Variants in MFN2 observed in about 807,000 individuals in gnomAD.
MFN2 encodes mitofusin 2.
Under a neutral mutation model 87.5 loss-of-function variants are expected in MFN2, and 43 were observed. That is an observed-to-expected ratio of 0.49 (90% confidence interval 0.38 to 0.63). The LOEUF (loss-of-function observed/expected upper bound fraction) is 0.63, where lower values mean the gene tolerates loss of function less well. MFN2 is among the 30% of genes least tolerant of loss of function. MFN2 has a pLI of 0.00. For missense variants in MFN2, 743 were observed against 972.8 expected, an observed-to-expected ratio of 0.76 and a Z score of 3.14; for synonymous variants, 337 against 359.9, an observed-to-expected ratio of 0.94 and a Z score of 0.72.
At chr1:11,999,181 C>G in intron 8 of MFN2, 86 bp downstream of exon 8, 5 of 1,041,492 alleles carry the variant, frequency 4.8e-6, no homozygotes, top group Non-Finnish European at 7.6e-6. Context: ...ACCCCTGGAT[C>G]TAGTGACTTC....
chr1:12,005,056 C>G (rs1208250606), intron 14 of MFN2, 129 bp downstream of exon 14: 6 of 769,652 alleles, frequency 7.8e-6, no homozygotes, highest in Non-Finnish European at 1.4e-5. Flanking sequence ...TCGATACCTT[C>G]AGGTTCTGGG....
Position 12,009,730 on chromosome 1 carries a change from A to G in MFN2, c.2204+4A>G, listed in dbSNP as rs753371495. The G allele has an allele frequency of 6.2e-7, 1 of 1,614,210 alleles. No individual in the cohort carries two copies. Among genetic ancestry groups the G allele is most frequent in the South Asian group, 1.1e-5 (1 of 91,086 alleles). On this transcript the variant is annotated splice_donor_region_variant and intron_variant, in intron 18 of 18. Coordinates refer to ENST00000235329, the MANE Select transcript of MFN2 (RefSeq NM_014874.4). ...AGAGCAAAGCAAAGCTGCTCAGGTG[A>G]GGCTGGCCCGTGTGGCCAAAGGTTA...
chr1:12,001,613 C>A (rs1399779299), intron 9 of MFN2, 59 bp downstream of exon 9: 6 of 1,611,826 alleles, frequency 3.7e-6, no homozygotes, highest in Non-Finnish European at 5.1e-6. Flanking sequence ...TTGTCTCGTG[C>A]TGAGGAGTCT....
intron 4 of MFN2, among the ~76,000 whole-genome samples, chr1:11,994,522 G>A (rs1277632910): frequency 1.3e-5 from 2 of 151,970 alleles, no homozygotes; most frequent in Non-Finnish European, 1.5e-5. Flanking sequence ...CCCAGGAGGT[G>A]GAGGTTGCAG....
rs772078518 is a variant in MFN2, at chr1:12,006,568, A to G, written c.1747A>G (p.Asn583Asp). 3.1e-6 allele frequency: 5 copies of G among 1,614,212 alleles called. No homozygotes were observed. The highest frequency in any genetic ancestry group is 4.2e-6 in the Non-Finnish European group (5 of 1,180,048). Residue 583 changes from asparagine to aspartate, a missense_variant, in exon 16 of 19, where the codon AAC becomes GAC. Coordinates refer to ENST00000235329, the MANE Select transcript of MFN2 (RefSeq NM_014874.4). ...VQRPIPLTPA[N>D]PSMPPLPQGS... ...GCGTCCCATCCCTCTGACGCCAGCCAACCCCAGCATGCCCCCACTGCCACA... is the reference window on the plus strand; with the variant it reads ...GCGTCCCATCCCTCTGACGCCAGCCGACCCCAGCATGCCCCCACTGCCACA...
At chr1:11,999,778 G>A (rs892797131) in intron 8 of MFN2, among the ~76,000 whole-genome samples, 4 of 151,578 alleles carry the variant, frequency 2.6e-5, no homozygotes, top group South Asian at 2.1e-4. Flanking sequence ...CTTGGGCGAC[G>A]TAGCAAAACG....
At chr1:11,980,747 A>T (rs114001798) in intron 1 of MFN2, among the ~76,000 whole-genome samples, 1 of 151,772 alleles carries the variant, frequency 6.6e-6, no homozygotes, top group Non-Finnish European at 1.5e-5. Flanking sequence ...GCCATGTTCT[A>T]CCCCTGCCCC....
chr1:11,996,373 C>T (rs150273510), intron 5 of MFN2, 55 bp downstream of exon 5: 502 of 1,607,602 alleles, frequency 3.1e-4, no homozygotes, highest in Non-Finnish European at 3.5e-4. Context: ...GCAAGTCCTC[C>T]GTTGTGACAC....
chr1:12,006,729 G>A (rs1639435639), intron 16 of MFN2, 36 bp downstream of exon 16: 1 of 1,610,058 alleles, frequency 6.2e-7, no homozygotes, highest in East Asian at 2.2e-5. Flanking sequence ...GGTGGGGGCG[G>A]AGGGCAGGTG....
Position 11,994,425 on chromosome 1 carries a change from A to G in MFN2, c.312-1731A>G, listed in dbSNP as rs528112345. Among the ~76,000 whole-genome samples, 7 of 152,248 alleles carry G rather than the reference A, an allele frequency of 4.6e-5. 1 individual carries two copies. The South Asian group carries it at 1.0e-3, about 23-fold the overall frequency. ...AACACGGTGAAACCCCATCTCTACTAAAAATACAAAAAAAATTAGCTGGGT... is the reference window on the plus strand; with the variant it reads ...AACACGGTGAAACCCCATCTCTACTGAAAATACAAAAAAAATTAGCTGGGT... On this transcript the variant is annotated intron_variant, in intron 4 of 18. Coordinates refer to ENST00000235329, the MANE Select transcript of MFN2 (RefSeq NM_014874.4).
intron 17 of MFN2, 137 bp downstream of exon 17, chr1:12,007,386 G>T: frequency 9.1e-7 from 1 of 1,104,140 alleles, no homozygotes; most frequent in Non-Finnish European, 1.3e-6. Context: ...CTTCAGGTGT[G>T]CAGGGCCAGC....
chr1:12,001,789 T>G lies in MFN2; in HGVS notation c.991T>G (p.Phe331Val), dbSNP rs1056174371. 6.2e-7 allele frequency: 1 copy of G among 1,614,212 alleles called. No homozygotes were observed. The highest frequency in any genetic ancestry group is 8.5e-7 in the Non-Finnish European group (1 of 1,180,032). Residue 331 changes from phenylalanine to valine, a missense_variant, in exon 10 of 19, where the codon TTT becomes GTT. Phe to Val is a conservative substitution (Grantham distance 50). Transcript: ENST00000235329. ...PEGGGALAEG[F>V]QVRMFEFQNF... ...CCTAGGGGGCGCTCTCGCAGAAGGC[T>G]TTCAAGTGAGGATGTTTGAGTTTCA...
intron 8 of MFN2, among the ~76,000 whole-genome samples, chr1:12,000,011 G>A (rs1049796023): frequency 7.9e-5 from 12 of 151,716 alleles, no homozygotes; most frequent in Non-Finnish European, 1.5e-4. Flanking sequence ...GCAGGAGAAC[G>A]GCGTGAACCC....
In MFN2 at chr1:12,004,611, A is replaced by C; in HGVS notation, c.1390A>C (p.Asn464His). Reference sequence around the variant, plus strand: ...TCCAGTAGTCCTCAAGGTTTATAAGAATGTGAGTCATGGAGCAACAGGTCC... The same window carrying C: ...TCCAGTAGTCCTCAAGGTTTATAAGCATGTGAGTCATGGAGCAACAGGTCC... ...PSPVVLKVYKNELHRHIEEGL... is the reference protein window; with the variant it reads ...PSPVVLKVYKHELHRHIEEGL... The change falls in exon 13 of 19, where the codon AAT becomes CAT. Residue 464 changes from asparagine to histidine, a missense_variant and splice_region_variant. This residue lies in a region of MFN2 where 571 missense variants were observed against 670.7 expected (regional missense o/e 0.85). Coordinates refer to ENST00000235329, the MANE Select transcript of MFN2 (RefSeq NM_014874.4). The surrounding 1 kb of genome is among the most constrained non-coding windows in gnomAD (Gnocchi z 4.2). The C allele has an allele frequency of 6.2e-7, 1 of 1,613,620 alleles. No homozygotes were observed. Among genetic ancestry groups the C allele is most frequent in the Non-Finnish European group, 8.5e-7 (1 of 1,179,572 alleles).
intron 18 of MFN2, among the ~76,000 whole-genome samples, chr1:12,010,711 C>T (rs961401957): frequency 6.6e-6 from 1 of 152,212 alleles, no homozygotes; most frequent in Non-Finnish European, 1.5e-5. Flanking sequence ...CTTAACTCTC[C>T]TGTGTCTCAT....
chr1:12,006,904 G>A, intron 16 of MFN2, 149 bp from the exon 17 acceptor site: 1 of 1,283,604 alleles, frequency 7.8e-7, no homozygotes, highest in Non-Finnish European at 1.1e-6. Flanking sequence ...GGCCTCGGTG[G>A]GATCAAAGGA....
intron 2 of MFN2, among the ~76,000 whole-genome samples, chr1:11,984,286 G>T (rs1159845741): frequency 5.9e-5 from 9 of 152,178 alleles, no homozygotes; most frequent in Admixed American, 3.9e-4. Context: ...TTTGATCTCC[G>T]TGATAGCGGG....
At chr1:11,991,332 A>G (rs1638664668) in intron 3 of MFN2, among the ~76,000 whole-genome samples, 1 of 152,208 alleles carries the variant, frequency 6.6e-6, no homozygotes, top group South Asian at 2.1e-4. Context: ...GGAGAAGTGC[A>G]GGGTGCTGGG....
intron 15 of MFN2, among the ~76,000 whole-genome samples, chr1:12,006,317 C>T (rs576400073): frequency 6.6e-6 from 1 of 152,352 alleles, no homozygotes; most frequent in African/African-American, 2.4e-5. Context: ...GGGGAAGCTG[C>T]CAGGCGGGTC....
Sources: allele counts gnomAD v4.1 joint callset (sites outside exome capture counted in the v4.1 genomes callset), GRCh38; gene constraint gnomAD v4.1.1; regional missense constraint gnomAD v4.1.1; non-coding constraint Gnocchi (gnomAD v3.1); transcripts MANE v1.5; gene names NCBI Gene and HGNC (gene_info 2026-07-23, HGNC 2026-07-21).